Variants in NIFK observed in about 807,000 individuals in gnomAD.
NIFK encodes MKI67 FHA domain-interacting nucleolar phosphoprotein.
Under a neutral mutation model 31.7 loss-of-function variants are expected in NIFK, and 16 were observed. The ratio of observed to expected loss-of-function variants is 0.50; its 90% confidence interval spans 0.34 to 0.77. The LOEUF is 0.77. NIFK is among the 30% of genes least tolerant of loss of function. NIFK has a pLI of 0.01. For synonymous variants in NIFK, 126 were observed against 123.0 expected (o/e 1.02, Z -0.16); for missense variants, 341 against 350.4 (o/e 0.97, Z 0.21).
chr2:121,730,554 C>T, intron 4 of NIFK: 1 of 213,754 alleles, frequency 4.7e-6, no homozygotes, highest in Non-Finnish European at 9.3e-6. Context: ...AAAGTTTAGT[C>T]AAAAAACTGG....
chr2:121,728,697 C>A, intron 4 of NIFK, 161 bp from the exon 5 acceptor site: 1 of 525,328 alleles, frequency 1.9e-6, no homozygotes, highest in East Asian at 3.2e-5. Flanking sequence ...AAGTAAAGGG[C>A]AAAACTAGGA....
At chr2:121,731,776 A>C (rs1363172921) in intron 3 of NIFK, among the ~76,000 whole-genome samples, 1 of 152,100 alleles carries the variant, frequency 6.6e-6, no homozygotes, top group East Asian at 1.9e-4. Flanking sequence ...ACTCCTGTTT[A>C]GTCTTCAGGT....
rs959705711 is a variant in NIFK at position 121,732,103 on chromosome 2, G to C, written c.345C>G (p.Leu115=). ...TAAGACAGGAGCACTTACACTCCAA[G>C]AGTCTTTCACCAAACAGGTAGTTGT... is the stretch of plus-strand genomic sequence containing the variant. ...TMNNYLFGER[L]LECHFMPPEK... is the part of the protein sequence containing the mutation. Residue 115 remains leucine, a synonymous_variant, in exon 3 of 7, where the codon CTC becomes CTG. Transcript: ENST00000285814. 1.3e-6 allele frequency: 2 copies of C among 1,598,760 alleles called. No individual in the cohort carries two copies. Among genetic ancestry groups the C allele is most frequent in the Non-Finnish European group, 1.7e-6 (2 of 1,166,310 alleles).
intron 1 of NIFK, among the ~76,000 whole-genome samples, chr2:121,736,067 T>G (rs1467785064): frequency 6.6e-6 from 1 of 152,218 alleles, no homozygotes; most frequent in Non-Finnish European, 1.5e-5. Context: ...AACGTAGGCT[T>G]CAATTTGGTA....
rs775634772 is a variant in NIFK, at chr2:121,728,490, G to A, written c.611C>T (p.Ser204Phe). 1 of 1,585,120 alleles carries A rather than the reference G, an allele frequency of 6.3e-7. No homozygotes were observed. Among genetic ancestry groups the A allele is most frequent in the South Asian group, 1.2e-5 (1 of 85,478 alleles). ...ESISKTNRQT[S>F]TKGQVLRKKK... Reference sequence around the variant, plus strand: ...AAAAAATTTTACCTGGCCTTTTGTAGACGTCTGACGATTAGTTTTTGAAAT... The same window carrying A: ...AAAAAATTTTACCTGGCCTTTTGTAAACGTCTGACGATTAGTTTTTGAAAT... Residue 204 changes from serine (S) to phenylalanine (F), a missense_variant, in exon 5 of 7, where the codon TCT becomes TTT. Physicochemically the swap from Ser to Phe is radical, Grantham distance 155 (BLOSUM62 -2). Coordinates refer to ENST00000285814, the MANE Select transcript of NIFK (RefSeq NM_032390.5).
At position 121,727,362 on chromosome 2, in the gene NIFK, T is replaced by G; in HGVS notation, c.*362A>C. 2.1e-6 allele frequency: 1 copy of G among 481,444 alleles called. No homozygotes were observed. The highest frequency in any genetic ancestry group is 4.3e-6 in the Non-Finnish European group (1 of 234,692). The allele number at this position is 481,444 out of a possible 1,614,324, so 29.8% of individuals were successfully genotyped here. A position where few individuals can be genotyped will look rare whatever the true frequency, so the allele number is the denominator to read the frequency against. ...AAACCATGTAGATGGACAAACAAGA[T>G]TGGTGGTCTTTAATTGCTGGCGACA... On this transcript the variant is annotated 3_prime_UTR_variant, in exon 7 of 7. Transcript: ENST00000285814.
Position 121,728,371 on chromosome 2 carries a change from TA to T in NIFK, c.625-16del, listed in dbSNP as rs2074509099. On this transcript the variant is annotated splice_polypyrimidine_tract_variant and intron_variant, in intron 5 of 6. Transcript: ENST00000285814. The stretch of plus-strand genomic sequence containing the variant: ...TTACGTAAAACCTTAAAATAAATTT[TA>T]AAACACATCAATTTGAATATTGATC... 1 of 1,556,538 alleles carries T rather than the reference TA, an allele frequency of 6.4e-7. No individual in the cohort carries two copies. Among genetic ancestry groups the T allele is most frequent in the Admixed American group, 1.7e-5 (1 of 58,950 alleles).
chr2:121,734,966 G>T (rs2074568813), intron 2 of NIFK, among the ~76,000 whole-genome samples: 1 of 152,146 alleles, frequency 6.6e-6, no homozygotes, highest in Non-Finnish European at 1.5e-5. Flanking sequence ...GGTGTCTATG[G>T]CTACAACCAA....
Position 121,735,710 on chromosome 2 carries a change from A to T in NIFK, c.146T>A (p.Val49Glu). 6.2e-7 allele frequency: 1 copy of T among 1,613,626 alleles called. No homozygotes were observed. The highest frequency in any genetic ancestry group is 8.5e-7 in the Non-Finnish European group (1 of 1,179,946). The part of the protein sequence containing the change: ...QEQLTPGVVY[V>E]RHLPNLLDET... ...GTCAAGTAGGTTAGGTAGGTGGCGC[A>T]CATAGACTACTCCAGGAGTAAGTTG... Residue 49 changes from valine to glutamate, a missense_variant, in exon 2 of 7, where the codon GTG (valine) becomes GAG (glutamate). Coordinates refer to ENST00000285814, the MANE Select transcript of NIFK (RefSeq NM_032390.5).
At chr2:121,731,237 A>G in intron 3 of NIFK, 133 bp from the exon 4 acceptor site, 2 of 605,132 alleles carry the variant, frequency 3.3e-6, no homozygotes, top group Non-Finnish European at 5.8e-6. Flanking sequence ...CTTCTCTCAC[A>G]GCAATGCGAA....
At chr2:121,732,754 G>C in intron 2 of NIFK, among the ~76,000 whole-genome samples, 1 of 151,912 alleles carries the variant, frequency 6.6e-6, no homozygotes, top group Middle Eastern at 3.4e-3. Flanking sequence ...GAGGCCGAGG[G>C]TGGATCATCT....
intron 3 of NIFK, 77 bp from the exon 4 acceptor site, chr2:121,731,181 A>G: frequency 1.3e-6 from 1 of 764,188 alleles, no homozygotes; most frequent in Non-Finnish European, 2.1e-6. Flanking sequence ...TCCTCACACA[A>G]CAAAATGATA....
chr2:121,732,100 C>A lies in NIFK; in HGVS notation c.348G>T (p.Leu116Phe). The A allele has an allele frequency of 6.3e-7, 1 of 1,597,508 alleles. No homozygotes were observed. The highest frequency in any genetic ancestry group is 1.7e-4 in the Middle Eastern group (1 of 5,800). Residue 116 changes from leucine to phenylalanine, a missense_variant, in exon 3 of 7, where the codon TTG (leucine) becomes TTT (phenylalanine). Transcript: ENST00000285814. ...CGGTAAGACAGGAGCACTTACACTCCAAGAGTCTTTCACCAAACAGGTAGT... is the reference window on the plus strand; with the variant it reads ...CGGTAAGACAGGAGCACTTACACTCAAAGAGTCTTTCACCAAACAGGTAGT... ...MNNYLFGERLLECHFMPPEKV... is the reference protein window; with the variant it reads ...MNNYLFGERLFECHFMPPEKV...
rs1457619246 is a variant in NIFK at position 121,727,424 on chromosome 2, G to A, written c.*300C>T. On this transcript the variant is annotated 3_prime_UTR_variant, in exon 7 of 7. Coordinates refer to ENST00000285814, the MANE Select transcript of NIFK (RefSeq NM_032390.5). ...AGTTTAGTACTTAAACCTGCAGTTA[G>A]TGGTCAACTTTCTATCCAGGCAGAG... The A allele has an allele frequency of 9.1e-6, 5 of 549,252 alleles. No homozygotes were observed. The highest frequency in any genetic ancestry group is 1.8e-5 in the Non-Finnish European group (5 of 279,488). 34.0% of individuals were successfully genotyped at this position (549,252 alleles called of 1,614,324 possible).
At chr2:121,731,193 G>A (rs2074536613) in intron 3 of NIFK, 89 bp from the exon 4 acceptor site, 2 of 706,990 alleles carry the variant, frequency 2.8e-6, no homozygotes, top group African/African-American at 3.6e-5. Flanking sequence ...AAAATGATAT[G>A]GCTGGGTACA....
intron 4 of NIFK, among the ~76,000 whole-genome samples, chr2:121,729,667 A>G (rs1166783098): frequency 6.6e-6 from 1 of 152,152 alleles, no homozygotes; most frequent in Non-Finnish European, 1.5e-5. Context: ...TAGGCTCAGG[A>G]GATCCTGTTG....
Position 121,730,746 on chromosome 2 carries a change from G to C in NIFK, c.564+147C>G, listed in dbSNP as rs909567960. On this transcript the variant is annotated intron_variant, in intron 4 of 6. Coordinates refer to ENST00000285814, the MANE Select transcript of NIFK (RefSeq NM_032390.5). ...GTAATCCCAACTACTTGGGAGGCTA[G>C]AGGCAGGAGAATTGCTTGAACCCAG... is the stretch of plus-strand genomic sequence containing the variant. The C allele has an allele frequency of 6.3e-6, 4 of 634,662 alleles. No individual in the cohort carries two copies. The Admixed American group carries it at 8.1e-5, about 13-fold the overall frequency. The allele number at this position is 634,662 out of a possible 1,614,324, so 39.3% of individuals were successfully genotyped here.
At chr2:121,730,713 G>A in intron 4 of NIFK, 180 bp downstream of exon 4, 1 of 593,406 alleles carries the variant, frequency 1.7e-6, no homozygotes, top group South Asian at 2.0e-5. Context: ...ACGTGGTGGT[G>A]TGCACCTGTA....
chr2:121,735,464 T>C, intron 2 of NIFK, 149 bp downstream of exon 2: 1 of 787,344 alleles, frequency 1.3e-6, no homozygotes, highest in Non-Finnish European at 2.0e-6. Flanking sequence ...ATTTTGCTCC[T>C]GTAGCTGTTT....
Sources: allele counts gnomAD v4.1 joint callset (sites outside exome capture counted in the v4.1 genomes callset), GRCh38; gene constraint gnomAD v4.1.1; transcripts MANE v1.5; gene names NCBI Gene and HGNC (gene_info 2026-07-23, HGNC 2026-07-21).